The following FKBP1B variants were observed in gnomAD, a reference collection of about 807,000 sequenced individuals.
FKBP1B encodes FKBP prolyl isomerase 1B.
FKBP1B carries 4 observed loss-of-function variants against 13.5 expected under a neutral mutation model. The observed-to-expected ratio is 0.30, with a 90% confidence interval of 0.15 to 0.68. FKBP1B has a LOEUF of 0.68. FKBP1B is among the 30% of genes least tolerant of loss of function. FKBP1B has a pLI of 0.76. For missense variants in FKBP1B, 93 were observed against 136.2 expected, an observed-to-expected ratio of 0.68 and a Z score of 1.58; for synonymous variants, 54 against 53.6, an observed-to-expected ratio of 1.01 and a Z score of -0.03.
In FKBP1B at chr2:24,063,458, G is replaced by GTTTTTTAATGAT; in HGVS notation, c.*266_*267insTTTTTTAATGAT. ...GATGCATGTAGTAGCCTTTCCTGAT[G>GTTTTTTAATGAT]ACAGAACACAGATCTCTTGTTCGCA... On this transcript the variant is annotated 3_prime_UTR_variant, in exon 4 of 4. Coordinates refer to ENST00000380986, the MANE Select transcript of FKBP1B (RefSeq NM_004116.5). 2.4e-6 allele frequency: 1 copy of GTTTTTTAATGAT among 424,254 alleles called. No individual in the cohort carries two copies. The allele number at this position is 424,254 out of a possible 1,614,324, so 26.3% of individuals were successfully genotyped here.
upstream of FKBP1B, chr2:24,049,595 A>G: frequency 8.4e-6 from 3 of 355,296 alleles, no homozygotes; most frequent in East Asian, 4.1e-5. Flanking sequence ...AGGCGGGGCC[A>G]GGCTCGCTAA....
Position 24,050,828 on chromosome 2 carries a change from T to C in FKBP1B, c.37+942T>C, listed in dbSNP as rs998642341. 1.3e-5 allele frequency among the ~76,000 whole-genome samples: 2 copies of C among 152,240 alleles called. No homozygotes were observed. Among genetic ancestry groups the C allele is most frequent in the African/African-American group, 4.8e-5 (2 of 41,466 alleles). On this transcript the variant is annotated intron_variant, in intron 1 of 3. Coordinates refer to ENST00000380986, the MANE Select transcript of FKBP1B (RefSeq NM_004116.5). This position sits in a 1 kb window ranked among gnomAD's most constrained non-coding sequence, Gnocchi z 5.8. ...ATAACTTCTTGGCTCCAGGCCATCTTCCTTGTCCAATCCCAGCCACTACTT... is the reference window on the plus strand; with the variant it reads ...ATAACTTCTTGGCTCCAGGCCATCTCCCTTGTCCAATCCCAGCCACTACTT...
At chr2:24,039,240 G>A in the FKBP1B span, 1 of 1,614,264 alleles carries the variant, frequency 6.2e-7, no homozygotes, top group Non-Finnish European at 8.5e-7. Context: ...GCCACACAGT[G>A]ACATGCTTCT....
chr2:24,054,201 A>G (rs1473917186), intron 2 of FKBP1B: 1 of 676,678 alleles, frequency 1.5e-6, no homozygotes, highest in African/African-American at 1.8e-5. Flanking sequence ...AGGTGAGTCA[A>G]ACACCTTCAG....
the FKBP1B span, among the ~76,000 whole-genome samples, chr2:24,044,348 C>A: frequency 1.3e-5 from 2 of 152,080 alleles, no homozygotes; most frequent in Admixed American, 1.3e-4. Context: ...GGGCTCACTG[C>A]AACCTCTGCT....
At chr2:24,053,287 ATT>A (rs34185660) in intron 1 of FKBP1B, among the ~76,000 whole-genome samples, 222 of 110,088 alleles carry the variant, frequency 2.0e-3, no homozygotes, top group South Asian at 8.6e-3. Flanking sequence ...AATTGAAAAG[ATT>A]TTTTTTTTTT....
chr2:24,046,177 T>A (rs1428248906), upstream of FKBP1B, among the ~76,000 whole-genome samples: 3 of 152,104 alleles, frequency 2.0e-5, no homozygotes, highest in Admixed American at 2.0e-4. Flanking sequence ...GAAATTAACA[T>A]GTGCTTCATG....
chr2:24,047,025 G>A (rs1663647668), upstream of FKBP1B, among the ~76,000 whole-genome samples: 1 of 152,086 alleles, frequency 6.6e-6, no homozygotes, highest in Admixed American at 6.6e-5. Context: ...AGCTCGGACC[G>A]AGGTCTTAAG....
chr2:24,053,814 G>T, intron 1 of FKBP1B, 88 bp from the exon 2 acceptor site: 1 of 1,285,984 alleles, frequency 7.8e-7, no homozygotes, highest in Non-Finnish European at 1.1e-6. Flanking sequence ...GGGAATGCAG[G>T]CTGGAGCTCT....
At chr2:24,057,230 G>A (rs1664167936) in intron 2 of FKBP1B, among the ~76,000 whole-genome samples, 7 of 151,438 alleles carry the variant, frequency 4.6e-5, no homozygotes, top group Admixed American at 2.6e-4. Context: ...TGTTACCCAG[G>A]CTGGAGTTCA....
the FKBP1B span, among the ~76,000 whole-genome samples, chr2:24,033,604 G>C: frequency 6.6e-6 from 1 of 151,998 alleles, no homozygotes; most frequent in African/African-American, 2.4e-5. Context: ...AGCCAGGCAT[G>C]GTGGTACACA....
At chr2:24,054,118 A>G (rs751159010) in intron 2 of FKBP1B, 169 bp downstream of exon 2, 4 of 733,890 alleles carry the variant, frequency 5.5e-6, no homozygotes, top group African/African-American at 3.5e-5. Flanking sequence ...TCTAGTGGGA[A>G]TGATAAAGGA....
chr2:24,034,016 C>T, the FKBP1B span, among the ~76,000 whole-genome samples: 9 of 152,288 alleles, frequency 5.9e-5, no homozygotes, highest in South Asian at 2.1e-4. Flanking sequence ...ATTTATTTCA[C>T]GTCTTATGAA....
the FKBP1B span, chr2:24,039,583 A>G: frequency 7.1e-7 from 1 of 1,407,286 alleles, no homozygotes; most frequent in South Asian, 1.3e-5. Context: ...ACATTTGGTA[A>G]GACAACGGCT....
chr2:24,060,731 C>CCGT, intron 2 of FKBP1B, 83 bp from the exon 3 acceptor site: 3 of 967,262 alleles, frequency 3.1e-6, no homozygotes, highest in Admixed American at 1.8e-5. Context: ...GCAGAAAAGG[C>CCGT]ATTCCATTTT....
At chr2:24,039,148 G>A in the FKBP1B span, 8 of 1,614,228 alleles carry the variant, frequency 5.0e-6, no homozygotes, top group African/African-American at 2.7e-5. Flanking sequence ...ACAGCCCTGG[G>A]GAAGGATAGG....
chr2:24,058,951 C>A (rs1176802928), intron 2 of FKBP1B, among the ~76,000 whole-genome samples: 2 of 152,142 alleles, frequency 1.3e-5, no homozygotes, highest in Non-Finnish European at 2.9e-5. Flanking sequence ...TTAAATAAGA[C>A]TGTTTCTCTA....
chr2:24,042,798 C>T, the FKBP1B span, among the ~76,000 whole-genome samples: 19 of 151,962 alleles, frequency 1.3e-4, no homozygotes, highest in Non-Finnish European at 2.1e-4. Flanking sequence ...TTTGGGAGGC[C>T]GAGGCGGGCA....
the FKBP1B span, chr2:24,038,669 A>G: frequency 4.3e-6 from 7 of 1,614,248 alleles, no homozygotes; most frequent in Non-Finnish European, 5.9e-6. Context: ...TAGGAAGAAG[A>G]AACTGATACT....
Sources: gnomAD v4.1 joint callset for allele counts (sites outside exome capture counted in the v4.1 genomes callset) on GRCh38, gnomAD v4.1.1 for gene constraint, Gnocchi (gnomAD v3.1) non-coding constraint, MANE v1.5 for transcripts, NCBI Gene and HGNC (gene_info 2026-07-23, HGNC 2026-07-21) for gene names.